The following LAMA5 variants were observed in gnomAD, a reference collection of about 807,000 sequenced individuals.
LAMA5 encodes the protein laminin subunit alpha 5.
In LAMA5, 260 loss-of-function variants were observed where a neutral mutation model predicts 433.4. The observed-to-expected ratio is 0.60, with a 90% CI of 0.54 to 0.66. The LOEUF (loss-of-function observed/expected upper bound fraction) is 0.66. Ranked by LOEUF, LAMA5 falls within the 30% of genes least tolerant of loss-of-function variation. LAMA5 has a pLI of 0.00. For synonymous variants in LAMA5, 2,620 were observed against 2,226.6 expected, an observed-to-expected ratio of 1.18 and a Z score of -4.97; for missense variants, 5,378 against 5,258.5, an observed-to-expected ratio of 1.02 and a Z score of -0.70.
Position 62,320,559 on chromosome 20 carries a change from C to G in LAMA5, c.6759G>C (p.Gln2253His). Reference sequence around the variant, plus strand: ...CCCTGGGGGGTCTTGGGGCTCCTGCCTGGCCGCCTAGCCGCCGTGCGTCCT... The same window carrying G: ...CCCTGGGGGGTCTTGGGGCTCCTGCGTGGCCGCCTAGCCGCCGTGCGTCCT... ...LGQDARRLGG[Q>H]AVGTRDQASQ... The change falls in exon 50 of 80, where the codon CAG (glutamine) becomes CAC (histidine). Residue 2253 changes from glutamine (Q) to histidine (H), a missense_variant and splice_region_variant. By Grantham distance (24) the Gln-to-His change is conservative. Transcript: ENST00000252999. 6.3e-7 allele frequency: 1 copy of G among 1,589,814 alleles called. No homozygotes were observed.
chr20:62,320,904 G>A lies in LAMA5; in HGVS notation c.6497-14C>T, dbSNP rs1292031859. 2.5e-6 allele frequency: 4 copies of A among 1,600,600 alleles called. No individual in the cohort carries two copies. The highest frequency in any genetic ancestry group is 2.2e-5 in the East Asian group (1 of 44,566). On this transcript the variant is annotated splice_polypyrimidine_tract_variant and intron_variant, in intron 48 of 79. Transcript: ENST00000252999. ...AGTGGTCACACACTGCAGGCGATGTGGGGTCACAGGTCAGTGTCATTGGGT... is the reference window on the plus strand; with the variant it reads ...AGTGGTCACACACTGCAGGCGATGTAGGGTCACAGGTCAGTGTCATTGGGT...
intron 57 of LAMA5, chr20:62,316,424 T>C (rs1048493885): frequency 7.7e-6 from 4 of 522,132 alleles, no homozygotes; most frequent in African/African-American, 5.7e-5. Flanking sequence ...CCCTGTGCCC[T>C]GTGGCTCAGC....
At chr20:62,321,742 GCCA>G (rs1357420468) in intron 48 of LAMA5, among the ~76,000 whole-genome samples, 1 of 122,626 alleles carries the variant, frequency 8.2e-6, no homozygotes, top group African/African-American at 3.0e-5. Flanking sequence ...GAGGGGTGGG[GCCA>G]GTGGAGGGGT....
At chr20:62,366,763 G>A (rs756264551) in intron 1 of LAMA5, among the ~76,000 whole-genome samples, 186 bp downstream of exon 1, 4 of 152,208 alleles carry the variant, frequency 2.6e-5, no homozygotes, top group African/African-American at 9.6e-5. Context: ...CTTCCCGGAG[G>A]GACGCGAAGT....
chr20:62,336,720 A>G lies in LAMA5; in HGVS notation c.2217+14T>C, dbSNP rs1404304922. 6.2e-7 allele frequency: 1 copy of G among 1,612,948 alleles called. No individual in the cohort carries two copies. The highest frequency in any genetic ancestry group is 1.1e-5 in the South Asian group (1 of 91,082). On this transcript the variant is annotated intron_variant, in intron 17 of 79. Coordinates refer to ENST00000252999, the MANE Select transcript of LAMA5 (RefSeq NM_005560.6). ...CCTCACCCATCTCCCACACACGAGC[A>G]GACTTGGGCTCACCTCAGGAAGGGC...
rs138268904 is a variant in LAMA5 at position 62,312,223 on chromosome 20, C to T, written c.9454G>A (p.Gly3152Ser). The change falls in exon 69 of 80, where the codon GGC (glycine) becomes AGC (serine). Residue 3152 changes from glycine to serine, a missense_variant. Transcript: ENST00000252999. ...PLTGNVYSGF[G>S]FHSAQDSALL... ...GCACTGTCCTGGGCGCTGTGGAAGC[C>T]GAAGCCGGAGTAGACGTTGCCAGTG... 133 of 1,610,488 alleles carry T rather than the reference C, an allele frequency of 8.3e-5. No individual in the cohort carries two copies. In the African/African-American group the frequency reaches 1.2e-3, roughly 15 times the overall value.
chr20:62,329,770 G>T lies in LAMA5; in HGVS notation c.4119+7C>A, dbSNP rs746569184. 1 of 1,612,124 alleles carries T rather than the reference G, an allele frequency of 6.2e-7. No homozygotes were observed. The highest frequency in any genetic ancestry group is 1.7e-5 in the Admixed American group (1 of 59,948). ...GGTCCCTGAGCAGGACATCAGCTGGGACTCACCAGCCAGAGCCACCGGCCC... is the reference window on the plus strand; with the variant it reads ...GGTCCCTGAGCAGGACATCAGCTGGTACTCACCAGCCAGAGCCACCGGCCC... On this transcript the variant is annotated splice_region_variant and intron_variant, in intron 32 of 79. Transcript: ENST00000252999.
intron 26 of LAMA5, 143 bp from the exon 27 acceptor site, chr20:62,332,860 TG>T: frequency 9.0e-7 from 1 of 1,105,090 alleles, no homozygotes; most frequent in Non-Finnish European, 1.3e-6. Context: ...AGGCAAGTGG[TG>T]GGGGCTGAGC....
chr20:62,351,853 A>C (rs764661001), intron 5 of LAMA5, 52 bp from the exon 6 acceptor site: 47 of 1,578,832 alleles, frequency 3.0e-5, no homozygotes, highest in Non-Finnish European at 3.7e-5. Flanking sequence ...ACTCACCCTG[A>C]GTCCCGGGTC....
In LAMA5 at chr20:62,314,637, AG is replaced by A. The variant is rs755371617; in HGVS notation, c.8284del (p.Leu2762SerfsTer21). The A allele has an allele frequency of 6.2e-7, 1 of 1,612,552 alleles. No homozygotes were observed. Among genetic ancestry groups the A allele is most frequent in the Non-Finnish European group, 8.5e-7 (1 of 1,179,912 alleles). On this transcript the variant is annotated frameshift_variant, in exon 61 of 80. Transcript: ENST00000252999. LOFTEE classifies it high-confidence loss of function. ...DLADLAAYTA[L>X]KFYLQGPEPE... ...CTCTGGGCCCTGCAGGTAGAACTTG[AG>A]GGCAGTGTAGGCAGCAAGGTCGGCA...
intron 20 of LAMA5, 65 bp downstream of exon 20, chr20:62,334,956 G>T: frequency 2.0e-6 from 3 of 1,483,852 alleles, no homozygotes; most frequent in South Asian, 1.1e-5. Context: ...TCCGGGCCTT[G>T]GGTTCCCCAG....
intron 2 of LAMA5, among the ~76,000 whole-genome samples, chr20:62,362,061 C>A (rs574972851): frequency 2.6e-5 from 4 of 152,162 alleles, no homozygotes; most frequent in Admixed American, 2.6e-4. Flanking sequence ...GGGCGCCTGA[C>A]GCAGGGGGCA....
At chr20:62,336,317 C>T (rs1257210671) in intron 18 of LAMA5, 23 bp downstream of exon 18, 1 of 1,538,152 alleles carries the variant, frequency 6.5e-7, no homozygotes, top group Non-Finnish European at 8.9e-7. Context: ...CCCCTGTACC[C>T]CAATACTCCA....
chr20:62,336,960 C>T (rs1230832124), intron 16 of LAMA5, 174 bp from the exon 17 acceptor site: 15 of 709,996 alleles, frequency 2.1e-5, no homozygotes, highest in Non-Finnish European at 3.6e-5. Context: ...TCCGCAGCAA[C>T]GGACGTGCCA....
At chr20:62,354,944 G>A (rs1160563069) in intron 2 of LAMA5, among the ~76,000 whole-genome samples, 1 of 152,228 alleles carries the variant, frequency 6.6e-6, no homozygotes, top group Non-Finnish European at 1.5e-5. Flanking sequence ...TCCCCCGCCT[G>A]TGCGAGGAGG....
chr20:62,332,673 A>G lies in LAMA5; in HGVS notation c.3327T>C (p.Tyr1109=), dbSNP rs545302651. 1.2e-6 allele frequency: 2 copies of G among 1,611,318 alleles called. No homozygotes were observed. Among genetic ancestry groups the G allele is most frequent in the East Asian group, 4.5e-5 (2 of 44,836 alleles). Residue 1109 remains tyrosine, a synonymous_variant, in exon 27 of 80, where the codon TAT becomes TAC. Coordinates refer to ENST00000252999, the MANE Select transcript of LAMA5 (RefSeq NM_005560.6). ...CATTGGCGTACTCCACCACTAGGGC[A>G]TAGCGGCCTGGCTGTGGCACTGCCA... ...LQVAVPQPGR[Y]ALVVEYANED...
Position 62,314,640 on chromosome 20 carries a change from G to A in LAMA5, c.8282C>T (p.Ala2761Val), listed in dbSNP as rs745891347. Reference protein sequence around the residue: ...RDLADLAAYTALKFYLQGPEP... With the variant: ...RDLADLAAYTVLKFYLQGPEP... ...TGGGCCCTGCAGGTAGAACTTGAGG[G>A]CAGTGTAGGCAGCAAGGTCGGCAAG... The change falls in exon 61 of 80, where the codon GCC becomes GTC. Residue 2761 changes from alanine (A) to valine (V), a missense_variant. By Grantham distance (64) the Ala-to-Val change is moderately conservative. Transcript: ENST00000252999. 1 of 1,612,606 alleles carries A rather than the reference G, an allele frequency of 6.2e-7. No individual in the cohort carries two copies. The highest frequency in any genetic ancestry group is 1.1e-5 in the South Asian group (1 of 91,084).
chr20:62,329,998 G>C (rs1980056101), intron 31 of LAMA5, 82 bp from the exon 32 acceptor site: 2 of 1,524,516 alleles, frequency 1.3e-6, no homozygotes, highest in African/African-American at 2.7e-5. Flanking sequence ...GGCAGCGTTG[G>C]GGCAGCCAAG....
At position 62,315,106 on chromosome 20, in the gene LAMA5, C is replaced by T. The variant is rs145207712; in HGVS notation, c.7969G>A (p.Val2657Met). The T allele has an allele frequency of 6.2e-7, 1 of 1,607,498 alleles. No individual in the cohort carries two copies. The highest frequency in any genetic ancestry group is 8.5e-7 in the Non-Finnish European group (1 of 1,179,730). Residue 2657 changes from valine (V) to methionine (M), a missense_variant, in exon 59 of 80, where the codon GTG becomes ATG. Transcript: ENST00000252999. ...TCGTACTGGCCCTGCCACCGCTCCA[C>T]ATTCTCCTGCATGGCCTGCAGCTGG... ...QSQLQAMQEN[V>M]ERWQGQYEGL... is the part of the protein sequence containing the mutation.
Sources: allele counts gnomAD v4.1 joint callset (sites outside exome capture counted in the v4.1 genomes callset), GRCh38; gene constraint gnomAD v4.1.1; transcripts MANE v1.5; gene names NCBI Gene and HGNC (gene_info 2026-07-23, HGNC 2026-07-21).